IL1RAPL2: variants seen among roughly 807,000 people sequenced by gnomAD.
IL1RAPL2 encodes interleukin 1 receptor accessory protein like 2, also known as X-linked interleukin-1 receptor accessory protein-like 2.
A neutral mutation model predicts 44.1 loss-of-function variants in IL1RAPL2; 3 were observed. The observed-to-expected ratio is 0.07, with a 90% CI of 0.03 to 0.18. The LOEUF (loss-of-function observed/expected upper bound fraction) is 0.18. IL1RAPL2 is among the 10% of genes least tolerant of loss of function. IL1RAPL2 has a pLI of 1.00. For missense variants in IL1RAPL2, 391 were observed against 496.4 expected, an observed-to-expected ratio of 0.79 and a Z score of 2.02; for synonymous variants, 181 against 178.8, an observed-to-expected ratio of 1.01 and a Z score of -0.10.
intron 6 of IL1RAPL2, among the ~76,000 whole-genome samples, chrX:105,572,463 T>A: frequency 8.9e-6 from 1 of 112,218 alleles, no homozygotes; most frequent in South Asian, 3.7e-4. Context: ...TGGTGATGAC[T>A]TTTATATATT....
At chrX:104,787,567 CAG>C (rs1932805427) in intron 2 of IL1RAPL2, among the ~76,000 whole-genome samples, 1 of 111,053 alleles carries the variant, frequency 9.0e-6, no homozygotes, top group African/African-American at 3.3e-5. Context: ...AGATTATTGT[CAG>C]AGAAGAGGAG....
At chrX:105,225,908 C>A (rs1220840847) in intron 3 of IL1RAPL2, among the ~76,000 whole-genome samples, 1 of 110,668 alleles carries the variant, frequency 9.0e-6, no homozygotes, top group East Asian at 2.8e-4. Flanking sequence ...GAACTCCTGA[C>A]CTCAGGTGAT....
intron 6 of IL1RAPL2, among the ~76,000 whole-genome samples, chrX:105,494,116 C>T (rs1438661127): frequency 9.0e-6 from 1 of 111,617 alleles, no homozygotes; most frequent in Non-Finnish European, 1.9e-5. Flanking sequence ...AGTTAGAGAA[C>T]TCTCCACTGT....
At chrX:104,569,793 T>C (rs1480462955) in intron 1 of IL1RAPL2, among the ~76,000 whole-genome samples, 1 of 112,475 alleles carries the variant, frequency 8.9e-6, no homozygotes, top group Admixed American at 9.4e-5. Flanking sequence ...ATGGTTGAAA[T>C]GATCGTATAC....
chrX:105,279,984 G>A (rs1045769580), intron 5 of IL1RAPL2, among the ~76,000 whole-genome samples: 4 of 112,200 alleles, frequency 3.6e-5, no homozygotes, highest in African/African-American at 1.3e-4. Context: ...AATCCTGGGT[G>A]AGAAGAACAA....
chrX:105,297,515 G>A (rs2034662428), intron 5 of IL1RAPL2, among the ~76,000 whole-genome samples: 2 of 110,665 alleles, frequency 1.8e-5, no homozygotes, highest in Admixed American at 1.9e-4. Context: ...TGGCAGGGAG[G>A]CGAAGGGGAG....
chrX:105,636,218 C>A (rs1485316254), intron 6 of IL1RAPL2, among the ~76,000 whole-genome samples: 5 of 110,748 alleles, frequency 4.5e-5, no homozygotes, highest in African/African-American at 1.6e-4. Flanking sequence ...TATTAGGTAA[C>A]CCATGTTCTT....
intron 2 of IL1RAPL2, among the ~76,000 whole-genome samples, chrX:104,962,912 T>C (rs1323260780): frequency 2.7e-5 from 3 of 111,984 alleles, no homozygotes; most frequent in Non-Finnish European, 3.8e-5. Flanking sequence ...GTTATCTCAT[T>C]TTTTTCTGTC....
chrX:105,402,273 A>G, intron 5 of IL1RAPL2, among the ~76,000 whole-genome samples: 1 of 111,474 alleles, frequency 9.0e-6, no homozygotes, highest in East Asian at 2.8e-4. Context: ...GAAAGACTCA[A>G]TTTCAAAATA....
At chrX:104,646,321 G>T (rs113125908) in intron 1 of IL1RAPL2, among the ~76,000 whole-genome samples, 7,774 of 94,898 alleles carry the variant, frequency 0.082, 284 homozygotes, top group Non-Finnish European at 0.11. Flanking sequence ...AGTCAATGGT[G>T]CTGGGGATGC....
chrX:105,302,262 T>G (rs138823573), intron 5 of IL1RAPL2, among the ~76,000 whole-genome samples: 4,110 of 112,058 alleles, frequency 0.037, 208 homozygotes, highest in African/African-American at 0.13. Context: ...TCCTGGTTAT[T>G]AATCCCTTGT....
intron 2 of IL1RAPL2, among the ~76,000 whole-genome samples, chrX:105,045,935 G>A (rs1276270631): frequency 1.8e-5 from 2 of 110,852 alleles, no homozygotes; most frequent in Non-Finnish European, 3.8e-5. Context: ...TATTAAATTT[G>A]GCTAAATAAC....
intron 5 of IL1RAPL2, among the ~76,000 whole-genome samples, chrX:105,328,739 G>A (rs781278932): frequency 1.8e-5 from 2 of 111,815 alleles, no homozygotes; most frequent in South Asian, 7.5e-4. Flanking sequence ...ATTATAATAC[G>A]ATATTTTTAC....
At chrX:105,654,305 C>A (rs1293192665) in intron 6 of IL1RAPL2, among the ~76,000 whole-genome samples, 1 of 110,965 alleles carries the variant, frequency 9.0e-6, no homozygotes, top group Non-Finnish European at 1.9e-5. Context: ...GGAATAAGAG[C>A]TAATTTTTCT....
chrX:105,208,825 T>G (rs1434096748), intron 3 of IL1RAPL2, among the ~76,000 whole-genome samples: 9 of 111,824 alleles, frequency 8.0e-5, no homozygotes, highest in African/African-American at 2.9e-4. Context: ...TGTTTCATAT[T>G]TACATTATTA....
chrX:105,076,517 C>T (rs144015243), intron 2 of IL1RAPL2, among the ~76,000 whole-genome samples: 9,701 of 111,057 alleles, frequency 0.087, 454 homozygotes, highest in Non-Finnish European at 0.13. Context: ...AATGTATATT[C>T]TGTTGATTTG....
intron 6 of IL1RAPL2, among the ~76,000 whole-genome samples, chrX:105,505,025 G>T (rs1339119013): frequency 9.0e-6 from 1 of 111,138 alleles, no homozygotes; most frequent in African/African-American, 3.3e-5. Flanking sequence ...CCTTAGTGCT[G>T]GTATGGTAAT....
chrX:105,174,013 G>A (rs985972727), intron 2 of IL1RAPL2, among the ~76,000 whole-genome samples: 8 of 110,979 alleles, frequency 7.2e-5, no homozygotes, highest in African/African-American at 2.6e-4. Context: ...GATTACAGGC[G>A]TAAGTCACTG....
At chrX:104,891,737 C>A (rs1311527358) in intron 2 of IL1RAPL2, among the ~76,000 whole-genome samples, 1 of 111,820 alleles carries the variant, frequency 8.9e-6, no homozygotes, top group Non-Finnish European at 1.9e-5. Context: ...ATATCATCTG[C>A]AAACAAGAAC....
Sources: allele counts gnomAD v4.1 joint callset (sites outside exome capture counted in the v4.1 genomes callset), GRCh38; gene constraint gnomAD v4.1.1; transcripts MANE v1.5; gene names NCBI Gene and HGNC (gene_info 2026-07-23, HGNC 2026-07-21).